The following HIGD2B variants were observed in gnomAD, a reference collection of about 807,000 sequenced individuals.
HIGD2B encodes the protein HIG1 hypoxia inducible domain family member 2B, also known as HIG1 domain family member 2B.
For missense variants in HIGD2B, 106 were observed against 67.0 expected, an observed-to-expected ratio of 1.58 and a Z score of -2.03; for synonymous variants, 45 against 28.1, an observed-to-expected ratio of 1.60 and a Z score of -1.90.
intron 2 of HIGD2B, among the ~76,000 whole-genome samples, chr15:72,679,698 T>C (rs536835529): frequency 2.6e-5 from 4 of 151,862 alleles, no homozygotes; most frequent in Non-Finnish European, 4.4e-5. Flanking sequence ...AGAACAGGAA[T>C]AGGGAGTAGC....
At chr15:72,678,704 G>A (rs751267085) in intron 2 of HIGD2B, among the ~76,000 whole-genome samples, 1 of 152,132 alleles carries the variant, frequency 6.6e-6, no homozygotes, top group Non-Finnish European at 1.5e-5. Context: ...AACATGGTGA[G>A]AGAAATAATC....
At chr15:72,681,964 A>G (rs953817784) in intron 1 of HIGD2B, among the ~76,000 whole-genome samples, 6 of 152,214 alleles carry the variant, frequency 3.9e-5, no homozygotes, top group Admixed American at 6.5e-5. Context: ...TTGCCCAGGC[A>G]GGAGTGTGGC....
rs911693523 is a variant in HIGD2B, at chr15:72,680,004, T to A, written c.-14+11A>T. ...GGTAACCAACTGCTGGTCCAAACAT[T>A]TCCTACTTACATGGAACAGTGGAAA... On this transcript the variant is annotated intron_variant, in intron 2 of 2. Coordinates refer to ENST00000311755, the MANE Select transcript of HIGD2B (RefSeq NM_001350932.3). The A allele has an allele frequency of 1.0e-5, 4 of 389,530 alleles. No homozygotes were observed. Among genetic ancestry groups the A allele is most frequent in the African/African-American group, 2.1e-5 (1 of 46,822 alleles). 24.1% of individuals were successfully genotyped at this position (389,530 alleles called of 1,614,324 possible). A position where few individuals can be genotyped will look rare whatever the true frequency, so the allele number is the denominator to read the frequency against.
At chr15:72,681,968 G>C (rs1385701433) in intron 1 of HIGD2B, among the ~76,000 whole-genome samples, 1 of 152,174 alleles carries the variant, frequency 6.6e-6, no homozygotes, top group Non-Finnish European at 1.5e-5. Flanking sequence ...CCAGGCAGGA[G>C]TGTGGCACTA....
chr15:72,679,681 C>A (rs1377248812), intron 2 of HIGD2B, among the ~76,000 whole-genome samples: 3 of 152,018 alleles, frequency 2.0e-5, no homozygotes, highest in Non-Finnish European at 2.9e-5. Flanking sequence ...GACCAGCGCT[C>A]ACACTGAGAA....
chr15:72,685,160 T>C (rs1187804322), intron 1 of HIGD2B, among the ~76,000 whole-genome samples: 2 of 152,186 alleles, frequency 1.3e-5, no homozygotes, highest in Non-Finnish European at 2.9e-5. Context: ...TGTATTTGGA[T>C]AGATTACCGT....
intron 1 of HIGD2B, among the ~76,000 whole-genome samples, chr15:72,680,583 C>T (rs1027539115): frequency 2.6e-5 from 4 of 151,888 alleles, no homozygotes; most frequent in Non-Finnish European, 4.4e-5. Context: ...TACCCTGATC[C>T]ACACAGGATA....
At chr15:72,682,933 A>G in intron 1 of HIGD2B, 1 of 184,808 alleles carries the variant, frequency 5.4e-6, no homozygotes. Context: ...GCTGCAGTCT[A>G]TTCGCTATTC....
Position 72,675,857 on chromosome 15 carries a change from T to C in HIGD2B, c.*197A>G. 5.3e-6 allele frequency: 3 copies of C among 562,408 alleles called. No homozygotes were observed. The South Asian group carries it at 7.2e-5, about 14-fold the overall frequency. The allele number at this position is 562,408 out of a possible 1,614,324, so 34.8% of individuals were successfully genotyped here. On this transcript the variant is annotated 3_prime_UTR_variant, in exon 3 of 3. Transcript: ENST00000311755. ...GAGTGGAGGGAAGATGTGGCACAAATAGAAATATGTAACATTCAAACAACA... is the reference window on the plus strand; with the variant it reads ...GAGTGGAGGGAAGATGTGGCACAAACAGAAATATGTAACATTCAAACAACA...
At chr15:72,680,515 C>T (rs2064738165) in intron 1 of HIGD2B, among the ~76,000 whole-genome samples, 1 of 151,786 alleles carries the variant, frequency 6.6e-6, no homozygotes, top group South Asian at 2.1e-4. Context: ...ATGTATTTAC[C>T]AATCAATAAA....
intron 1 of HIGD2B, 36 bp downstream of exon 1, chr15:72,685,782 T>G: frequency 3.4e-6 from 1 of 291,886 alleles, no homozygotes; most frequent in South Asian, 3.4e-5. Context: ...GTACCTCAGT[T>G]CGATAGTGAC....
At chr15:72,678,309 T>G (rs180867959) in intron 2 of HIGD2B, among the ~76,000 whole-genome samples, 1 of 152,156 alleles carries the variant, frequency 6.6e-6, no homozygotes, top group African/African-American at 2.4e-5. Flanking sequence ...CTTTTCTTTT[T>G]TTTTTAGACA....
At position 72,676,024 on chromosome 15, in the gene HIGD2B, G is replaced by T. The variant is rs763501989; in HGVS notation, c.*30C>A. On this transcript the variant is annotated 3_prime_UTR_variant, in exon 3 of 3. Transcript: ENST00000311755. ...AGTGGTTGCTCCTGGGTTTTGGAAT[G>T]ATTTCTGCAGAGTTTTCAAGACCCT... 4 of 706,112 alleles carry T rather than the reference G, an allele frequency of 5.7e-6. No homozygotes were observed. Among genetic ancestry groups the T allele is most frequent in the Non-Finnish European group, 1.0e-5 (4 of 385,356 alleles). 43.7% of individuals were successfully genotyped at this position (706,112 alleles called of 1,614,324 possible).
At chr15:72,678,244 T>C (rs1374486256) in intron 2 of HIGD2B, among the ~76,000 whole-genome samples, 2 of 152,162 alleles carry the variant, frequency 1.3e-5, no homozygotes, top group East Asian at 3.8e-4. Flanking sequence ...AGAGGGAATT[T>C]TTGGTAAAGT....
chr15:72,677,398 C>G (rs1401931870), intron 2 of HIGD2B, among the ~76,000 whole-genome samples: 2 of 152,136 alleles, frequency 1.3e-5, no homozygotes, highest in Non-Finnish European at 2.9e-5. Flanking sequence ...TGCCCTCCAG[C>G]CTGGGTGGGC....
intron 2 of HIGD2B, among the ~76,000 whole-genome samples, chr15:72,677,948 T>A (rs1418110420): frequency 4.6e-5 from 7 of 152,186 alleles, no homozygotes; most frequent in Non-Finnish European, 8.8e-5. Flanking sequence ...TTGCTCTGAT[T>A]GACTTCTTTC....
At chr15:72,684,480 C>A (rs1299006695) in intron 1 of HIGD2B, among the ~76,000 whole-genome samples, 1 of 151,972 alleles carries the variant, frequency 6.6e-6, no homozygotes, top group Admixed American at 6.6e-5. Flanking sequence ...TAGTGAGACC[C>A]CTGCCTCTGA....
chr15:72,681,970 G>A (rs1303480942), intron 1 of HIGD2B, among the ~76,000 whole-genome samples: 2 of 152,300 alleles, frequency 1.3e-5, no homozygotes, highest in African/African-American at 2.4e-5. Context: ...AGGCAGGAGT[G>A]TGGCACTACC....
rs1567382469 is a variant in HIGD2B at position 72,676,092 on chromosome 15, G to A, written c.283C>T (p.Leu95=). Residue 95 remains leucine (L), a synonymous_variant, in exon 3 of 3, where the codon CTG becomes TTG. Coordinates refer to ENST00000311755, the MANE Select transcript of HIGD2B (RefSeq NM_001350932.3). ...AQGFTIAAIL[L]GLAATAMKSP... is the part of the protein sequence containing the mutation. ...TTCATAGCGGTGGCAGCTAGACCCA[G>A]CAAGATGGCTGCAATGGTGAAGCCC... 1 of 764,784 alleles carries A rather than the reference G, an allele frequency of 1.3e-6. No homozygotes were observed. The highest frequency in any genetic ancestry group is 1.4e-5 in the South Asian group (1 of 73,628). 47.4% of individuals were successfully genotyped at this position (764,784 alleles called of 1,614,324 possible).
Sources: gnomAD v4.1 joint callset for allele counts (sites outside exome capture counted in the v4.1 genomes callset) on GRCh38, gnomAD v4.1.1 for gene constraint, MANE v1.5 for transcripts, NCBI Gene and HGNC (gene_info 2026-07-23, HGNC 2026-07-21) for gene names.